Variants in SPATA4 observed in about 807,000 individuals in gnomAD.
The protein encoded by SPATA4 is spermatogenesis associated 4.
Under a neutral mutation model 31.8 loss-of-function variants are expected in SPATA4, and 35 were observed. The observed-to-expected ratio is 1.10, with a 90% confidence interval of 0.84 to 1.46. The LOEUF is 1.46. Ranked by LOEUF, SPATA4 falls within the 40% of genes most tolerant of loss-of-function variation. The probability of loss-of-function intolerance (pLI) is 0.00; values close to 1 mark genes in which losing one functional copy is unlikely to be tolerated. For missense variants in SPATA4, 394 were observed against 363.1 expected (o/e 1.09, Z -0.69); for synonymous variants, 126 against 132.4 (o/e 0.95, Z 0.33).
At chr4:176,191,164 C>T (rs548529256) in intron 4 of SPATA4, among the ~76,000 whole-genome samples, 3 of 149,768 alleles carry the variant, frequency 2.0e-5, no homozygotes, top group South Asian at 2.1e-4. Context: ...GGCACAATCT[C>T]GGCTCACTGC....
chr4:176,188,809 C>T (rs1158854289), intron 4 of SPATA4, among the ~76,000 whole-genome samples: 1 of 152,126 alleles, frequency 6.6e-6, no homozygotes, highest in Non-Finnish European at 1.5e-5. Context: ...TGAGCAATTT[C>T]CTTGTGCTTC....
Position 176,193,069 on chromosome 4 carries a change from G to A in SPATA4, c.356C>T (p.Ala119Val). 6.4e-7 allele frequency: 1 copy of A among 1,571,936 alleles called. No homozygotes were observed. Among genetic ancestry groups the A allele is most frequent in the Non-Finnish European group, 8.6e-7 (1 of 1,158,260 alleles). ...DNWAQLEKFL[A>V]RKKFKLPKEL... ...TTTAGGTAATTTAAATTTTTTTCTT[G>A]CCAGGAACTTTAATAGTAGAAAGAA... The change falls in exon 3 of 6, where the codon GCA becomes GTA. Residue 119 changes from alanine to valine, a missense_variant. Ala to Val is a moderately conservative substitution (Grantham distance 64, BLOSUM62 0). Coordinates refer to ENST00000280191, the MANE Select transcript of SPATA4 (RefSeq NM_144644.4).
chr4:176,190,126 G>T (rs1052333036), intron 4 of SPATA4, among the ~76,000 whole-genome samples: 1 of 152,128 alleles, frequency 6.6e-6, no homozygotes, highest in Non-Finnish European at 1.5e-5. Context: ...ATTAGGTCAG[G>T]TGTCGATCTT....
At chr4:176,193,610 TAA>T (rs1561240948) in intron 1 of SPATA4, 28 bp from the exon 2 acceptor site, 2 of 1,572,428 alleles carry the variant, frequency 1.3e-6, no homozygotes, top group Non-Finnish European at 8.6e-7. Context: ...GGAAATGAAA[TAA>T]AGTGTAGTTA....
At chr4:176,193,253 T>G (rs1308072614) in intron 2 of SPATA4, among the ~76,000 whole-genome samples, 177 bp from the exon 3 acceptor site, 1 of 152,220 alleles carries the variant, frequency 6.6e-6, no homozygotes, top group African/African-American at 2.4e-5. Flanking sequence ...ATCATGCTAA[T>G]GGAAATAATT....
chr4:176,195,440 G>A lies in SPATA4; in HGVS notation c.123C>T (p.Val41=), dbSNP rs780073091. ...GGGAGCTCTTCGGCGCATGCGGATA[G>A]ACCAGACACTTCTTAGGCCTCCCTC... ...PIRGRPKKCL[V]YPHAPKSSRL... Residue 41 remains valine (V), a synonymous_variant, in exon 1 of 6, where the codon GTC becomes GTT. Transcript: ENST00000280191. 4 of 1,614,264 alleles carry A rather than the reference G, an allele frequency of 2.5e-6. No individual in the cohort carries two copies. The highest frequency in any genetic ancestry group is 3.3e-5 in the Admixed American group (2 of 60,038).
chr4:176,185,204 A>C (rs1752422209), intron 5 of SPATA4, among the ~76,000 whole-genome samples: 1 of 152,178 alleles, frequency 6.6e-6, no homozygotes, highest in South Asian at 2.1e-4. Context: ...CTGAGGCAAC[A>C]GTAGCACAAT....
intron 1 of SPATA4, chr4:176,193,910 C>T (rs1353153608): frequency 4.1e-5 from 7 of 171,320 alleles, no homozygotes; most frequent in Non-Finnish European, 7.4e-5. Context: ...ACTAGTCCCC[C>T]GCTTATCTGC....
chr4:176,190,366 G>A (rs1752509370), intron 4 of SPATA4, among the ~76,000 whole-genome samples: 1 of 152,082 alleles, frequency 6.6e-6, no homozygotes, highest in Non-Finnish European at 1.5e-5. Context: ...CTCATTATGG[G>A]AACAGTGTTA....
intron 2 of SPATA4, 111 bp from the exon 3 acceptor site, chr4:176,193,187 G>C: frequency 1.3e-6 from 1 of 796,490 alleles, no homozygotes; most frequent in Non-Finnish European, 2.0e-6. Flanking sequence ...TAATTTTTGT[G>C]TTTAACACGT....
At position 176,195,445 on chromosome 4, in the gene SPATA4, G is replaced by C. The variant is rs751799738; in HGVS notation, c.118C>G (p.Leu40Val). ...CTCTTCGGCGCATGCGGATAGACCA[G>C]ACACTTCTTAGGCCTCCCTCGGATG... ...APIRGRPKKC[L>V]VYPHAPKSSR... The change falls in exon 1 of 6, where the codon CTG becomes GTG. Residue 40 changes from leucine to valine, a missense_variant. Coordinates refer to ENST00000280191, the MANE Select transcript of SPATA4 (RefSeq NM_144644.4). 9.9e-6 allele frequency: 16 copies of C among 1,614,152 alleles called. No individual in the cohort carries two copies. The highest frequency in any genetic ancestry group is 3.3e-5 in the Admixed American group (2 of 60,010).
chr4:176,193,202 T>C (rs1752560614), intron 2 of SPATA4, 126 bp from the exon 3 acceptor site: 2 of 764,202 alleles, frequency 2.6e-6, no homozygotes, highest in South Asian at 1.9e-5. Flanking sequence ...ACACGTTAGT[T>C]ATTAAAAGAT....
intron 5 of SPATA4, among the ~76,000 whole-genome samples, chr4:176,186,844 T>A (rs575905427): frequency 2.6e-5 from 4 of 152,164 alleles, no homozygotes; most frequent in African/African-American, 9.6e-5. Flanking sequence ...TTTGTTTTTT[T>A]AAAAAAAGGA....
chr4:176,195,501 G>T lies in SPATA4; in HGVS notation c.62C>A (p.Ser21Ter), dbSNP rs1193610976. Residue 21 changes from serine to a stop codon, truncating the protein, a stop_gained, in exon 1 of 6, where the codon TCA becomes TAA. Transcript: ENST00000280191. LOFTEE classifies it high-confidence loss of function. ...TGCTAGCTGTGGCGAAAGTGACGGT[G>T]ACTTGTCTAGGGCTGCCGCAGTCTG... is the stretch of plus-strand genomic sequence containing the variant. The part of the protein sequence containing the change: ...LTQTAAALDK[S>*]PSLSPQLAAP... 6 of 1,614,146 alleles carry T rather than the reference G, an allele frequency of 3.7e-6. No homozygotes were observed. The African/African-American group carries it at 8.0e-5, about 22-fold the overall frequency.
In SPATA4 at chr4:176,192,699, T is replaced by C. The variant is rs1367679763; in HGVS notation, c.616A>G (p.Asn206Asp). Residue 206 changes from asparagine to aspartate, a missense_variant, in exon 4 of 6, where the codon AAT becomes GAT. Coordinates refer to ENST00000280191, the MANE Select transcript of SPATA4 (RefSeq NM_144644.4). ...ELLSNPNMLT[N>D]ELKAEFLILL... Reference sequence around the variant, plus strand: ...ATGAGGAACTCCGCTTTAAGTTCATTGGTCAGCATGTTGGGATTGCTTAGT... The same window carrying C: ...ATGAGGAACTCCGCTTTAAGTTCATCGGTCAGCATGTTGGGATTGCTTAGT... 5 of 1,614,158 alleles carry C rather than the reference T, an allele frequency of 3.1e-6. No individual in the cohort carries two copies. The highest frequency in any genetic ancestry group is 4.2e-6 in the Non-Finnish European group (5 of 1,180,004).
rs1752409582 is a variant in SPATA4, at chr4:176,184,672, C to A, written c.*108G>T. ...TTCTTTAACACAATTATGGAAAAGA[C>A]ACCACTCTATTTATTATTGAAATAC... is the stretch of plus-strand genomic sequence containing the variant. On this transcript the variant is annotated 3_prime_UTR_variant, in exon 6 of 6. Coordinates refer to ENST00000280191, the MANE Select transcript of SPATA4 (RefSeq NM_144644.4). 2 of 525,560 alleles carry A rather than the reference C, an allele frequency of 3.8e-6. No homozygotes were observed. Among genetic ancestry groups the A allele is most frequent in the South Asian group, 1.0e-4 (2 of 20,080 alleles). 32.6% of individuals were successfully genotyped at this position (525,560 alleles called of 1,614,324 possible).
At chr4:176,194,372 A>G (rs1330927945) in intron 1 of SPATA4, 2 of 86,438 alleles carry the variant, frequency 2.3e-5, no homozygotes, top group Non-Finnish European at 5.2e-5. Flanking sequence ...AAAAACTTTC[A>G]GCCACAGTGT....
rs373397493 is a variant in SPATA4 at position 176,192,931 on chromosome 4, G to T, written c.467+27C>A. ...TATCAAAAGTTTCACATTAAATTGTGTTACTAGGAAATTACAAAGAACTTA... is the reference window on the plus strand; with the variant it reads ...TATCAAAAGTTTCACATTAAATTGTTTTACTAGGAAATTACAAAGAACTTA... On this transcript the variant is annotated intron_variant, in intron 3 of 5. Transcript: ENST00000280191. The T allele has an allele frequency of 5.1e-6, 8 of 1,583,122 alleles. No homozygotes were observed. The African/African-American group carries it at 9.5e-5, about 19-fold the overall frequency.
chr4:176,187,613 A>G (rs1455301056), intron 5 of SPATA4, among the ~76,000 whole-genome samples: 2 of 152,230 alleles, frequency 1.3e-5, no homozygotes, highest in East Asian at 1.9e-4. Context: ...CCAAAAAAGA[A>G]AAAAAGTAAA....
Sources: allele counts gnomAD v4.1 joint callset (sites outside exome capture counted in the v4.1 genomes callset), GRCh38; gene constraint gnomAD v4.1.1; transcripts MANE v1.5; gene names NCBI Gene and HGNC (gene_info 2026-07-23, HGNC 2026-07-21).